MGAT4C: variants seen among roughly 807,000 people sequenced by gnomAD.
MGAT4C encodes the protein MGAT4 family member C.
A neutral mutation model predicts 40.1 loss-of-function variants in MGAT4C; 19 were observed. The observed-to-expected ratio is 0.47, with a 90% CI of 0.33 to 0.70. The LOEUF is 0.70. Among genes scored for constraint, MGAT4C ranks in the 30% least tolerant of loss-of-function variants. MGAT4C has a pLI of 0.02. For synonymous variants in MGAT4C, 181 were observed against 187.1 expected, an observed-to-expected ratio of 0.97 and a Z score of 0.27; for missense variants, 491 against 563.2, an observed-to-expected ratio of 0.87 and a Z score of 1.30.
intron 4 of MGAT4C, among the ~76,000 whole-genome samples, chr12:86,309,681 G>A (rs1277272445): frequency 6.6e-6 from 1 of 152,168 alleles, no homozygotes; most frequent in South Asian, 2.1e-4. Flanking sequence ...ATTGCAACAG[G>A]TTAGTAAAAG....
chr12:86,786,689 A>G (rs1951936940), intron 1 of MGAT4C, among the ~76,000 whole-genome samples: 1 of 152,040 alleles, frequency 6.6e-6, no homozygotes, highest in Non-Finnish European at 1.5e-5. Flanking sequence ...CCTTTTGAAG[A>G]CATCTCTTCT....
At chr12:86,821,743 A>G (rs527668333) in intron 1 of MGAT4C, among the ~76,000 whole-genome samples, 16 of 151,036 alleles carry the variant, frequency 1.1e-4, no homozygotes, top group African/African-American at 3.4e-4. Context: ...CACGGTTTGG[A>G]TACTTGACAT....
At chr12:86,648,479 A>G (rs1033539589) in intron 2 of MGAT4C, among the ~76,000 whole-genome samples, 13 of 151,862 alleles carry the variant, frequency 8.6e-5, no homozygotes, top group Non-Finnish European at 1.9e-4. Flanking sequence ...GGTGAAATTA[A>G]TACCCTTGTG....
intron 1 of MGAT4C, among the ~76,000 whole-genome samples, chr12:86,217,782 T>C (rs1256814019): frequency 6.6e-6 from 1 of 152,172 alleles, no homozygotes; most frequent in Admixed American, 6.5e-5. Context: ...AGAGATTTTG[T>C]TTTAGTTAAC....
intron 2 of MGAT4C, among the ~76,000 whole-genome samples, chr12:86,642,410 T>G (rs1012300576): frequency 1.3e-5 from 2 of 151,824 alleles, no homozygotes; most frequent in African/African-American, 4.8e-5. Flanking sequence ...GTTAGGAGAA[T>G]TCATAATCCA....
At chr12:86,765,008 T>C (rs962678070) in intron 1 of MGAT4C, among the ~76,000 whole-genome samples, 1 of 152,180 alleles carries the variant, frequency 6.6e-6, no homozygotes, top group African/African-American at 2.4e-5. Flanking sequence ...GGAACAAAGC[T>C]GGACGGAGAA....
chr12:86,068,723 T>A (rs1045442872), intron 1 of MGAT4C, among the ~76,000 whole-genome samples: 19 of 152,004 alleles, frequency 1.2e-4, no homozygotes, highest in African/African-American at 4.6e-4. Flanking sequence ...CTCTGGGCTT[T>A]GGGAGTTATG....
At chr12:86,140,518 G>A (rs1882680942) in intron 1 of MGAT4C, among the ~76,000 whole-genome samples, 2 of 152,024 alleles carry the variant, frequency 1.3e-5, no homozygotes, top group Admixed American at 1.3e-4. Context: ...GGGGGTGGGA[G>A]GTTAGAGGAG....
At chr12:86,145,557 T>A in intron 1 of MGAT4C, among the ~76,000 whole-genome samples, 1 of 152,200 alleles carries the variant, frequency 6.6e-6, no homozygotes, top group Non-Finnish European at 1.5e-5. Flanking sequence ...CCTGAGATAA[T>A]CAGGTGTTCC....
chr12:86,253,681 C>G (rs929220514), intron 1 of MGAT4C, among the ~76,000 whole-genome samples: 1 of 151,910 alleles, frequency 6.6e-6, no homozygotes, highest in African/African-American at 2.4e-5. Context: ...AAAATGACAT[C>G]ATAGTTACTA....
chr12:86,510,152 G>T (rs1477171752), intron 2 of MGAT4C, among the ~76,000 whole-genome samples: 1 of 152,128 alleles, frequency 6.6e-6, no homozygotes, highest in Admixed American at 6.5e-5. Flanking sequence ...TTTTCAAAGG[G>T]AATGCTTCCA....
chr12:86,008,955 A>G, intron 2 of MGAT4C, among the ~76,000 whole-genome samples: 1 of 152,046 alleles, frequency 6.6e-6, no homozygotes, highest in East Asian at 1.9e-4. Flanking sequence ...AAATAATTAT[A>G]TAATTATTTT....
intron 4 of MGAT4C, chr12:86,333,932 A>T (rs1265862654): frequency 6.6e-6 from 1 of 152,156 alleles, no homozygotes; most frequent in Non-Finnish European, 1.5e-5. Flanking sequence ...CACTTTCTGT[A>T]TTCCTTATAA....
At chr12:86,234,409 A>G (rs1951447339) in intron 1 of MGAT4C, among the ~76,000 whole-genome samples, 1 of 152,200 alleles carries the variant, frequency 6.6e-6, no homozygotes, top group African/African-American at 2.4e-5. Context: ...GAATGACTGT[A>G]TGCCTAACAT....
rs535770139 is a variant in MGAT4C at position 86,233,924 on chromosome 12, A to G, written c.-57+22315T>C. ...AAAAGTTTGTGATTTATTTTCTATT[A>G]TATACAAGCTTATAATATGTATTAT... On this transcript the variant is annotated intron_variant, in intron 1 of 4. Transcript: ENST00000611864. Among the ~76,000 whole-genome samples the G allele has an allele frequency of 1.2e-4, 18 of 152,262 alleles. No homozygotes were observed. The South Asian group carries it at 3.7e-3, about 32-fold the overall frequency.
At chr12:86,062,381 A>C (rs938048902) in intron 1 of MGAT4C, among the ~76,000 whole-genome samples, 18 of 152,132 alleles carry the variant, frequency 1.2e-4, no homozygotes, top group African/African-American at 4.3e-4. Context: ...GATCACCAAC[A>C]TCAAAGATCA....
chr12:86,419,803 C>T (rs1956786748), intron 3 of MGAT4C, among the ~76,000 whole-genome samples: 1 of 152,010 alleles, frequency 6.6e-6, no homozygotes, highest in Admixed American at 6.6e-5. Context: ...TTTCATGGTA[C>T]TGGAGAAGGA....
intron 3 of MGAT4C, among the ~76,000 whole-genome samples, chr12:85,985,656 T>C (rs1021783630): frequency 6.6e-6 from 1 of 152,146 alleles, no homozygotes; most frequent in African/African-American, 2.4e-5. Context: ...CCTTAGATGC[T>C]AAATTACTTA....
At chr12:86,214,247 A>T (rs1010086439) in intron 1 of MGAT4C, among the ~76,000 whole-genome samples, 1 of 152,026 alleles carries the variant, frequency 6.6e-6, no homozygotes, top group Non-Finnish European at 1.5e-5. Context: ...TTTCTTCTGG[A>T]CTATGTGGGT....
Sources: gnomAD v4.1 joint callset for allele counts (sites outside exome capture counted in the v4.1 genomes callset) on GRCh38, gnomAD v4.1.1 for gene constraint, MANE v1.5 for transcripts, NCBI Gene and HGNC (gene_info 2026-07-23, HGNC 2026-07-21) for gene names.